CHD4: variants seen among roughly 807,000 people sequenced by gnomAD.
CHD4 encodes chromodomain helicase DNA binding protein 4, also known as ATP-dependent chromatin remodeler CHD4.
CHD4 carries 35 observed loss-of-function variants against 235.5 expected under a neutral mutation model. The observed-to-expected ratio is 0.15, with a 90% CI of 0.11 to 0.20. The LOEUF is 0.20. CHD4 is among the 10% of genes least tolerant of loss of function. CHD4 has a pLI of 1.00. For synonymous variants in CHD4, 900 were observed against 850.2 expected (o/e 1.06, Z -1.02); for missense variants, 1,329 against 2,432.3 (o/e 0.55, Z 9.54).
Position 6,601,648 on chromosome 12 carries a change from C to T in CHD4, c.557G>A (p.Arg186Lys). The T allele has an allele frequency of 1.2e-6, 2 of 1,614,108 alleles. No homozygotes were observed. The highest frequency in any genetic ancestry group is 1.7e-6 in the Non-Finnish European group (2 of 1,179,978). ...CTTCCCCAAACCCCTTCTGTTTTAC[C>T]TGACAAACTGGCTGAAGGCCTTGTA... ...TNYKAFSQFV[R>K]PLIAAKNPKI... Residue 186 changes from arginine (R) to lysine (K), a missense_variant and splice_region_variant, in exon 5 of 40, where the codon AGA becomes AAA. Transcript: ENST00000544040.
Position 6,577,861 on chromosome 12 carries a change from T to A in CHD4, c.5285A>T (p.Asn1762Ile). ...GTTCATTTCACCCTTGAAAGGCTCATTGAGGATGGCATAGCGTGGGTCATT... is the reference window on the plus strand; with the variant it reads ...GTTCATTTCACCCTTGAAAGGCTCAATGAGGATGGCATAGCGTGGGTCATT... ...IQNDPRYAILNEPFKGEMNRG... is the reference protein window; with the variant it reads ...IQNDPRYAILIEPFKGEMNRG... Residue 1762 changes from asparagine (N) to isoleucine (I), a missense_variant, in exon 37 of 40, where the codon AAT (asparagine) becomes ATT (isoleucine). By Grantham distance (149) the Asn-to-Ile change is moderately radical. Around this residue, in one of 26 missense-constraint regions of CHD4, gnomAD observed 135 missense variants for 282.3 expected, o/e 0.48. Transcript: ENST00000544040. The A allele has an allele frequency of 6.2e-7, 1 of 1,614,244 alleles. No homozygotes were observed. Among genetic ancestry groups the A allele is most frequent in the Non-Finnish European group, 8.5e-7 (1 of 1,180,044 alleles).
chr12:6,578,609 C>T, intron 34 of CHD4, 63 bp from the exon 35 acceptor site: 2 of 1,602,866 alleles, frequency 1.2e-6, no homozygotes, highest in Non-Finnish European at 8.5e-7. Flanking sequence ...CGCCCTTACC[C>T]AGAACACTGT....
intron 25 of CHD4, chr12:6,583,949 T>TA (rs1380282911): frequency 6.6e-6 from 1 of 152,212 alleles, no homozygotes; most frequent in Non-Finnish European, 1.5e-5. Flanking sequence ...CCACATCCCT[T>TA]ATATTGGAAT....
In CHD4 at chr12:6,585,590, A is replaced by T. The variant is rs116292242; in HGVS notation, c.3879+1794T>A. ...AGCCACCACGTCTGGCCCAATTCTA[A>T]TCTTTAAAAAAACATGGTGAAACCC... is the stretch of plus-strand genomic sequence containing the variant. On this transcript the variant is annotated intron_variant, in intron 25 of 39. Transcript: ENST00000544040. Among the ~76,000 whole-genome samples the T allele has an allele frequency of 3.6e-3, 553 of 151,712 alleles. 3 individuals carry two copies. The highest frequency in any genetic ancestry group is 0.013 in the African/African-American group (531 of 41,408).
At chr12:6,591,014 T>G (rs771518157) in intron 22 of CHD4, among the ~76,000 whole-genome samples, 1 of 150,578 alleles carries the variant, frequency 6.6e-6, no homozygotes, top group African/African-American at 2.4e-5. Context: ...TCCCAGCTAC[T>G]TGGGAGGCTG....
chr12:6,592,801 T>C lies in CHD4; in HGVS notation c.2669A>G (p.Asn890Ser). 1 of 1,612,556 alleles carries C rather than the reference T, an allele frequency of 6.2e-7. No homozygotes were observed. Among genetic ancestry groups the C allele is most frequent in the Non-Finnish European group, 8.5e-7 (1 of 1,179,650 alleles). ...NNQSKFFRVLNGYSLQHKLLL... is the reference protein window; with the variant it reads ...NNQSKFFRVLSGYSLQHKLLL... ...CAGCTTGTGCTGGAGTGAGTAACCA[T>C]TCAATACCCGGAAGAACTGGTGAAG... is the stretch of plus-strand genomic sequence containing the variant. The change falls in exon 18 of 40, where the codon AAT becomes AGT. Residue 890 changes from asparagine (N) to serine (S), a missense_variant. Around this residue, in one of 26 missense-constraint regions of CHD4, gnomAD observed 78 missense variants for 174.8 expected, o/e 0.45. Transcript: ENST00000544040.
Position 6,601,965 on chromosome 12 carries a change from A to AATC in CHD4, c.430_432dup (p.Asp144dup), listed in dbSNP as rs747127748. 52 of 1,607,326 alleles carry AATC rather than the reference A, an allele frequency of 3.2e-5. No individual in the cohort carries two copies. Among genetic ancestry groups the AATC allele is most frequent in the East Asian group, 8.9e-5 (4 of 44,818 alleles). The stretch of plus-strand genomic sequence containing the variant: ...GAGGATGGAGGTCCAGGCACCTTTG[A>AATC]ATCATCATCATCATCCTCCTCCTCC... On this transcript the variant is annotated inframe_insertion, in exon 4 of 40. Coordinates refer to ENST00000544040, the MANE Select transcript of CHD4 (RefSeq NM_001273.5).
chr12:6,578,260 T>G, intron 35 of CHD4, 123 bp from the exon 36 acceptor site: 1 of 1,348,764 alleles, frequency 7.4e-7, no homozygotes, highest in South Asian at 1.2e-5. Flanking sequence ...ATAATTTGCT[T>G]CTGGCTTTCT....
rs564494202 is a variant in CHD4, at chr12:6,570,163, T to A, written c.*513A>T. 4 of 153,384 alleles carry A rather than the reference T, an allele frequency of 2.6e-5. No homozygotes were observed. The highest frequency in any genetic ancestry group is 9.6e-5 in the African/African-American group (4 of 41,588). 9.5% of individuals were successfully genotyped at this position (153,384 alleles called of 1,614,324 possible). On this transcript the variant is annotated 3_prime_UTR_variant, in exon 40 of 40. Transcript: ENST00000544040. ...TTATGCTTTTGGTTTTTTCCTTTTT[T>A]TTTTTTTCCACTTTATTTCATTTAG...
intron 2 of CHD4, among the ~76,000 whole-genome samples, chr12:6,605,502 T>C (rs1639123): frequency 0.3 from 46,278 of 151,934 alleles, 9,674 homozygotes; most frequent in African/African-American, 0.6. Context: ...ACAGATAGCG[T>C]AACCCCTAGC....
intron 25 of CHD4, chr12:6,587,016 T>C (rs935284317): frequency 4.4e-5 from 8 of 183,742 alleles, no homozygotes; most frequent in Non-Finnish European, 7.9e-5. Context: ...GTCTCTTAAA[T>C]AAAAACCAGA....
chr12:6,602,262 C>A (rs555911445), intron 3 of CHD4, 87 bp from the exon 4 acceptor site: 1 of 1,597,712 alleles, frequency 6.3e-7, no homozygotes, highest in South Asian at 1.1e-5. Flanking sequence ...GGCTCATCCC[C>A]AGAACATGGC....
At position 6,593,936 on chromosome 12, in the gene CHD4, A is replaced by G. The variant is rs963530719; in HGVS notation, c.2314-320T>C. On this transcript the variant is annotated intron_variant, in intron 15 of 39. Coordinates refer to ENST00000544040, the MANE Select transcript of CHD4 (RefSeq NM_001273.5). The surrounding 1 kb of genome is among the most constrained non-coding windows in gnomAD (Gnocchi z 4.9). ...CTGCAACCTCCACCTCCCGGGTTCA[A>G]GCGATTCTCCTGCCTCAGCCTCCCA... Among the ~76,000 whole-genome samples the G allele has an allele frequency of 1.3e-5, 2 of 152,112 alleles. No individual in the cohort carries two copies. The highest frequency in any genetic ancestry group is 4.8e-5 in the African/African-American group (2 of 41,434).
At position 6,598,365 on chromosome 12, in the gene CHD4, A is replaced by G. The variant is rs1216957553; in HGVS notation, c.1543T>C (p.Ser515Pro). The G allele has an allele frequency of 1.9e-6, 3 of 1,613,582 alleles. No individual in the cohort carries two copies. Among genetic ancestry groups the G allele is most frequent in the East Asian group, 2.2e-5 (1 of 44,878 alleles). ...GGAGGCCGAGGCACTGGTGTGGGAG[A>G]TGGTGGCTGACCCCACTTCCAGATT... The part of the protein sequence containing the change: ...ILIWKWGQPP[S>P]PTPVPRPPDA... Residue 515 changes from serine (S) to proline (P), a missense_variant, in exon 11 of 40, where the codon TCT (serine) becomes CCT (proline). By Grantham distance (74) the Ser-to-Pro change is moderately conservative (BLOSUM62 -1). Transcript: ENST00000544040.
In CHD4 at chr12:6,581,050, G is replaced by C; in HGVS notation, c.4903C>G (p.Pro1635Ala). The C allele has an allele frequency of 6.2e-7, 1 of 1,613,808 alleles. No individual in the cohort carries two copies. Among genetic ancestry groups the C allele is most frequent in the Non-Finnish European group, 8.5e-7 (1 of 1,179,920 alleles). ...AAAATGTGGATACCTTTACCTTTGGGCTCTGTCTCCATAGGTTCCTCTGTT... is the reference window on the plus strand; with the variant it reads ...AAAATGTGGATACCTTTACCTTTGGCCTCTGTCTCCATAGGTTCCTCTGTT... Reference protein sequence around the residue: ...ERTEEPMETEPKGAADVEKVE... With the variant: ...ERTEEPMETEAKGAADVEKVE... The change falls in exon 33 of 40, where the codon CCC (proline) becomes GCC (alanine). Residue 1635 changes from proline (P) to alanine (A), a missense_variant. This residue lies in a region of CHD4 where 219 missense variants were observed against 219.3 expected (regional missense o/e 1.00). Transcript: ENST00000544040.
At chr12:6,603,578 C>T (rs1044207691) in intron 2 of CHD4, among the ~76,000 whole-genome samples, 2 of 151,578 alleles carry the variant, frequency 1.3e-5, no homozygotes, top group Non-Finnish European at 2.9e-5. Context: ...GGGGGGGAGA[C>T]TGCCCTCATA....
In CHD4 at chr12:6,598,204, A is replaced by G. The variant is rs1948532262; in HGVS notation, c.1686+18T>C. Reference sequence around the variant, plus strand: ...TCTTCATCGTAGCCCCTACATCTCCAGACTATCCTAAACTTACCTGCAGTT... The same window carrying G: ...TCTTCATCGTAGCCCCTACATCTCCGGACTATCCTAAACTTACCTGCAGTT... On this transcript the variant is annotated intron_variant, in intron 11 of 39. Coordinates refer to ENST00000544040, the MANE Select transcript of CHD4 (RefSeq NM_001273.5). The G allele has an allele frequency of 6.2e-7, 1 of 1,609,982 alleles. No individual in the cohort carries two copies.
At chr12:6,571,135 G>T in intron 38 of CHD4, 103 bp from the exon 39 acceptor site, 1 of 1,335,388 alleles carries the variant, frequency 7.5e-7, no homozygotes, top group Non-Finnish European at 1.0e-6. Context: ...CCAAGTAACT[G>T]TGATGTATTG....
rs1289933558 is a variant in CHD4 at position 6,602,504 on chromosome 12, A to G, written c.101-7T>C. ...TCTGGGTCCTCTTCATTTTCTACATATATTTGGCAAAGAGTGGTAGGCAGG... is the reference window on the plus strand; with the variant it reads ...TCTGGGTCCTCTTCATTTTCTACATGTATTTGGCAAAGAGTGGTAGGCAGG... On this transcript the variant is annotated splice_region_variant and splice_polypyrimidine_tract_variant and intron_variant, in intron 2 of 39. Coordinates refer to ENST00000544040, the MANE Select transcript of CHD4 (RefSeq NM_001273.5). 3.7e-6 allele frequency: 6 copies of G among 1,610,818 alleles called. No individual in the cohort carries two copies. Among genetic ancestry groups the G allele is most frequent in the African/African-American group, 1.3e-5 (1 of 74,350 alleles).
Sources: allele counts gnomAD v4.1 joint callset (sites outside exome capture counted in the v4.1 genomes callset), GRCh38; gene constraint gnomAD v4.1.1; regional missense constraint gnomAD v4.1.1; non-coding constraint Gnocchi (gnomAD v3.1); transcripts MANE v1.5; gene names NCBI Gene and HGNC (gene_info 2026-07-23, HGNC 2026-07-21).